RARB: variants seen among roughly 807,000 people sequenced by gnomAD.
The protein encoded by RARB is HBV-activated protein.
RARB carries 17 observed loss-of-function variants against 51.9 expected under a neutral mutation model. The observed-to-expected ratio is 0.33, with a 90% CI of 0.22 to 0.49. The LOEUF (loss-of-function observed/expected upper bound fraction) is 0.49, where lower values mean the gene tolerates loss of function less well. Ranked by LOEUF, RARB falls within the 20% of genes least tolerant of loss-of-function variation. The probability of loss-of-function intolerance (pLI) is 0.99; values close to 1 mark genes in which losing one functional copy is unlikely to be tolerated. For missense variants in RARB, 369 were observed against 550.8 expected (o/e 0.67, Z 3.30); for synonymous variants, 215 against 195.4 (o/e 1.10, Z -0.84).
At chr3:25,390,584 T>C (rs1427033151) in intron 5 of RARB, among the ~76,000 whole-genome samples, 1 of 146,730 alleles carries the variant, frequency 6.8e-6, no homozygotes, top group East Asian at 2.0e-4. Flanking sequence ...CATTTTTTTC[T>C]CTTCAAAAAA....
intron 5 of RARB, among the ~76,000 whole-genome samples, chr3:25,288,735 A>G (rs571008641): frequency 1.3e-5 from 2 of 151,438 alleles, no homozygotes; most frequent in Non-Finnish European, 2.9e-5. Flanking sequence ...ACCTTCTAAG[A>G]GAAATTATCT....
chr3:25,508,511 C>G (rs961827959), intron 3 of RARB, among the ~76,000 whole-genome samples: 1 of 152,216 alleles, frequency 6.6e-6, no homozygotes, highest in Non-Finnish European at 1.5e-5. Context: ...CTGGATTTTA[C>G]TGGCTTAATA....
chr3:25,213,201 G>A (rs952427046), intron 5 of RARB, among the ~76,000 whole-genome samples: 15 of 152,052 alleles, frequency 9.9e-5, no homozygotes, highest in African/African-American at 3.6e-4. Context: ...AGCACCTGAC[G>A]AGCACCTTAT....
At chr3:25,502,464 G>A (rs1351633810) in intron 3 of RARB, among the ~76,000 whole-genome samples, 1 of 152,146 alleles carries the variant, frequency 6.6e-6, no homozygotes, top group Non-Finnish European at 1.5e-5. Context: ...TGTAGCAGAT[G>A]TTTGTTGGTA....
At chr3:25,516,693 C>G (rs575981763) in intron 3 of RARB, among the ~76,000 whole-genome samples, 145 of 147,862 alleles carry the variant, frequency 9.8e-4, no homozygotes, top group Non-Finnish European at 1.3e-3. Context: ...GTGATGCAAT[C>G]TTGGCTCACT....
intron 1 of RARB, among the ~76,000 whole-genome samples, chr3:24,857,855 G>A (rs1308227805): frequency 1.3e-5 from 2 of 152,212 alleles, no homozygotes; most frequent in Non-Finnish European, 2.9e-5. Flanking sequence ...GAACCCAGGA[G>A]TTTGAAGTCA....
chr3:25,014,793 G>T (rs1293690550), intron 2 of RARB, among the ~76,000 whole-genome samples: 2 of 151,930 alleles, frequency 1.3e-5, no homozygotes, highest in Non-Finnish European at 2.9e-5. Context: ...TTGATAATAG[G>T]GGCTGTGTGG....
chr3:24,892,717 G>C (rs546770274), intron 2 of RARB, among the ~76,000 whole-genome samples: 2 of 152,312 alleles, frequency 1.3e-5, no homozygotes, highest in South Asian at 2.1e-4. Context: ...CTTAGTGTAA[G>C]AGTCAGTCAT....
At chr3:25,079,681 A>G (rs1698952248) in intron 3 of RARB, among the ~76,000 whole-genome samples, 1 of 152,170 alleles carries the variant, frequency 6.6e-6, no homozygotes, top group Non-Finnish European at 1.5e-5. Flanking sequence ...GATGAATAAC[A>G]TTGATTAATT....
intron 2 of RARB, among the ~76,000 whole-genome samples, chr3:24,912,217 G>T (rs150528743): frequency 1.1e-4 from 16 of 152,222 alleles, no homozygotes; most frequent in African/African-American, 3.9e-4. Context: ...GTGTCCACGA[G>T]CTTTTGTTGG....
intron 1 of RARB, among the ~76,000 whole-genome samples, chr3:25,434,757 G>A (rs1206538534): frequency 6.6e-6 from 1 of 151,714 alleles, no homozygotes; most frequent in African/African-American, 2.4e-5. Flanking sequence ...GGCCAGGATG[G>A]TCTCGATCTC....
At chr3:25,261,826 C>T (rs1368333990) in intron 5 of RARB, among the ~76,000 whole-genome samples, 2 of 152,164 alleles carry the variant, frequency 1.3e-5, no homozygotes, top group African/African-American at 4.8e-5. Flanking sequence ...TCACTAATGC[C>T]TGCTTGTCTT....
chr3:25,067,886 C>T (rs1698693768), intron 3 of RARB, among the ~76,000 whole-genome samples: 1 of 151,948 alleles, frequency 6.6e-6, no homozygotes, highest in Non-Finnish European at 1.5e-5. Context: ...CCTGTAATCC[C>T]AGCACTTTGG....
rs145712570 is a variant in RARB at position 24,867,513 on chromosome 3, G to A, written c.-380+8761G>A. 4.3e-4 allele frequency among the ~76,000 whole-genome samples: 66 copies of A among 152,234 alleles called. 1 individual carries two copies. Among genetic ancestry groups the A allele is most frequent in the Admixed American group, 3.8e-3 (58 of 15,292 alleles). On this transcript the variant is annotated intron_variant, in intron 2 of 11. Coordinates refer to the RARB transcript ENST00000383772. Reference sequence around the variant, plus strand: ...CAAGCAGACTCGATTTTGAAGTAACGACTGTTCATATAGTTGTCTCAGAAA... The same window carrying A: ...CAAGCAGACTCGATTTTGAAGTAACAACTGTTCATATAGTTGTCTCAGAAA...
chr3:25,423,849 A>G (rs56246000), upstream of RARB, among the ~76,000 whole-genome samples: 766 of 152,352 alleles, frequency 5.0e-3, 9 homozygotes, highest in African/African-American at 0.018. Flanking sequence ...ACAGTCAGCT[A>G]AGAGATGGTT....
intron 5 of RARB, among the ~76,000 whole-genome samples, chr3:25,352,616 A>G (rs1206800532): frequency 1.3e-5 from 2 of 152,096 alleles, no homozygotes; most frequent in Non-Finnish European, 2.9e-5. Flanking sequence ...TTCTGTTTGC[A>G]ATTTGGTTAA....
At chr3:25,459,610 T>C (rs1695071848) in intron 1 of RARB, among the ~76,000 whole-genome samples, 1 of 152,100 alleles carries the variant, frequency 6.6e-6, no homozygotes, top group African/African-American at 2.4e-5. Context: ...ATTGCAGCAG[T>C]TGTGAGAGGC....
At chr3:24,960,987 G>C (rs752954465) in intron 2 of RARB, among the ~76,000 whole-genome samples, 1 of 152,030 alleles carries the variant, frequency 6.6e-6, no homozygotes, top group Admixed American at 6.6e-5. Flanking sequence ...CTGTGACAGG[G>C]GCCAGGAATT....
intron 5 of RARB, among the ~76,000 whole-genome samples, chr3:25,218,393 G>T (rs1435394404): frequency 6.6e-6 from 1 of 151,992 alleles, no homozygotes; most frequent in Non-Finnish European, 1.5e-5. Flanking sequence ...AAATACCCAG[G>T]GTGCTGCTGT....
Sources: allele counts gnomAD v4.1 joint callset (sites outside exome capture counted in the v4.1 genomes callset), GRCh38; gene constraint gnomAD v4.1.1; transcripts MANE v1.5; gene names NCBI Gene and HGNC (gene_info 2026-07-23, HGNC 2026-07-21).